BNC2: variants seen among roughly 807,000 people sequenced by gnomAD.
The protein encoded by BNC2 is zinc finger protein basonuclin-2.
A neutral mutation model predicts 76.3 loss-of-function variants in BNC2; 20 were observed. The observed-to-expected ratio is 0.26, with a 90% CI of 0.18 to 0.38. The LOEUF is 0.38. Among genes scored for constraint, BNC2 ranks in the 10% least tolerant of loss-of-function variants. The pLI is 1.00. For missense variants in BNC2, 1,382 were observed against 1,399.8 expected, an observed-to-expected ratio of 0.99 and a Z score of 0.20; for synonymous variants, 582 against 514.8, an observed-to-expected ratio of 1.13 and a Z score of -1.77.
intron 1 of BNC2, among the ~76,000 whole-genome samples, chr9:16,842,779 G>C (rs145262595): frequency 2.6e-5 from 4 of 151,604 alleles, no homozygotes; most frequent in Non-Finnish European, 5.9e-5. Context: ...TTGTTTTTTG[G>C]AGTCTCCTTC....
chr9:16,636,259 C>A (rs916830855), intron 3 of BNC2, among the ~76,000 whole-genome samples: 29 of 152,002 alleles, frequency 1.9e-4, no homozygotes, highest in African/African-American at 6.5e-4. Flanking sequence ...AAGGTCTGAC[C>A]ATCCATAGTT....
intron 3 of BNC2, among the ~76,000 whole-genome samples, chr9:16,586,417 C>G (rs981626255): frequency 6.6e-6 from 1 of 152,194 alleles, no homozygotes. Context: ...ACTCTACAAT[C>G]CAGATTCTGC....
At chr9:16,802,289 G>A (rs754030875) in intron 1 of BNC2, among the ~76,000 whole-genome samples, 15 of 152,120 alleles carry the variant, frequency 9.9e-5, no homozygotes, top group South Asian at 2.1e-4. Context: ...CAAGATGCCC[G>A]AGCAAACTAA....
At chr9:16,750,940 G>A (rs1825173621) in intron 1 of BNC2, among the ~76,000 whole-genome samples, 1 of 152,178 alleles carries the variant, frequency 6.6e-6, no homozygotes, top group Non-Finnish European at 1.5e-5. Flanking sequence ...TCCACTGACT[G>A]GTACTTCAGC....
chr9:16,516,770 G>T (rs990047848), intron 5 of BNC2, among the ~76,000 whole-genome samples: 2 of 152,088 alleles, frequency 1.3e-5, no homozygotes, highest in African/African-American at 4.8e-5. Context: ...GAATAAAAAG[G>T]TGTTTTAATC....
At chr9:16,614,536 T>C (rs1450586066) in intron 3 of BNC2, among the ~76,000 whole-genome samples, 1 of 152,056 alleles carries the variant, frequency 6.6e-6, no homozygotes, top group Admixed American at 6.5e-5. Context: ...AATGCACCTT[T>C]TCTCTAAATA....
chr9:16,864,749 G>A (rs944438877), intron 1 of BNC2, among the ~76,000 whole-genome samples: 6 of 152,070 alleles, frequency 3.9e-5, no homozygotes, highest in Non-Finnish European at 8.8e-5. Flanking sequence ...ACTTCTTTAC[G>A]GTTGCTGGGA....
intron 3 of BNC2, among the ~76,000 whole-genome samples, chr9:16,669,572 C>A (rs1822413031): frequency 6.6e-6 from 1 of 152,108 alleles, no homozygotes; most frequent in Non-Finnish European, 1.5e-5. Flanking sequence ...TAGAATCAGG[C>A]CCTCTGTTGT....
intron 1 of BNC2, among the ~76,000 whole-genome samples, chr9:16,813,038 G>C (rs1403465028): frequency 2.0e-5 from 3 of 151,946 alleles, no homozygotes; most frequent in Non-Finnish European, 2.9e-5. Flanking sequence ...GTGAAACCCT[G>C]TCTCTACTAA....
chr9:16,761,551 C>G (rs371178243), intron 1 of BNC2, among the ~76,000 whole-genome samples: 9 of 152,282 alleles, frequency 5.9e-5, no homozygotes, highest in African/African-American at 2.2e-4. Flanking sequence ...CATTGTTAGA[C>G]TCTTATGCTT....
chr9:16,598,638 G>A (rs746650622), intron 3 of BNC2, among the ~76,000 whole-genome samples: 4 of 152,078 alleles, frequency 2.6e-5, no homozygotes, highest in Admixed American at 6.5e-5. Flanking sequence ...TCCAGGCAAC[G>A]CTAGTAACAT....
chr9:16,854,972 C>G (rs1392477552), intron 1 of BNC2, among the ~76,000 whole-genome samples: 1 of 151,934 alleles, frequency 6.6e-6, no homozygotes, highest in East Asian at 1.9e-4. Context: ...TTAATATTCT[C>G]TGCTGAAATT....
chr9:16,533,784 G>C (rs1199319093), intron 5 of BNC2, among the ~76,000 whole-genome samples: 1 of 152,088 alleles, frequency 6.6e-6, no homozygotes, highest in African/African-American at 2.4e-5. Context: ...TGCCAACAAG[G>C]AGATAATTAG....
At chr9:16,682,102 T>C (rs1319265309) in intron 3 of BNC2, among the ~76,000 whole-genome samples, 1 of 151,928 alleles carries the variant, frequency 6.6e-6, no homozygotes, top group East Asian at 1.9e-4. Flanking sequence ...AACAACCTTT[T>C]TTTAAAAATA....
chr9:16,793,648 CTTTTTTTTTTTTTTT>C (rs71327860), intron 1 of BNC2, among the ~76,000 whole-genome samples: 22 of 55,824 alleles, frequency 3.9e-4, no homozygotes, highest in African/African-American at 1.0e-3. Context: ...CCTTCCACAT[CTTTTTTTTTTTTTTT>C]TTTTTTTTTT....
intron 1 of BNC2, among the ~76,000 whole-genome samples, chr9:16,856,962 T>A (rs181755611): frequency 3.7e-4 from 57 of 152,322 alleles, no homozygotes; most frequent in Middle Eastern, 3.4e-3. Context: ...ACATTCTTTA[T>A]GACCTCCAAC....
chr9:16,793,741 T>C (rs991041037), intron 1 of BNC2, among the ~76,000 whole-genome samples: 4 of 142,022 alleles, frequency 2.8e-5, no homozygotes. Flanking sequence ...TCTGGGCTCA[T>C]TGCAAGCTCC....
intron 3 of BNC2, among the ~76,000 whole-genome samples, chr9:16,707,377 G>C (rs187487910): frequency 4.5e-4 from 69 of 152,210 alleles, no homozygotes; most frequent in Non-Finnish European, 7.1e-4. Context: ...AATTACAGAG[G>C]TTAATTTCTA....
intron 3 of BNC2, among the ~76,000 whole-genome samples, chr9:16,654,866 C>T (rs571062530): frequency 2.0e-5 from 3 of 152,216 alleles, no homozygotes; most frequent in East Asian, 1.9e-4. Context: ...GGAAAAATGA[C>T]GTTCCATCAT....
Sources: gnomAD v4.1 joint callset for allele counts (sites outside exome capture counted in the v4.1 genomes callset) on GRCh38, gnomAD v4.1.1 for gene constraint, MANE v1.5 for transcripts, NCBI Gene and HGNC (gene_info 2026-07-23, HGNC 2026-07-21) for gene names.